Variants in NFASC observed in about 807,000 individuals in gnomAD.
The protein encoded by NFASC is neurofascin homolog.
NFASC carries 43 observed loss-of-function variants against 147.5 expected under a neutral mutation model. That is an observed-to-expected ratio of 0.29 (90% CI 0.23 to 0.38). The LOEUF (loss-of-function observed/expected upper bound fraction) is 0.38. Among genes scored for constraint, NFASC ranks in the 10% least tolerant of loss-of-function variants. NFASC has a pLI of 1.00. For missense variants in NFASC, 1,320 were observed against 1,689.0 expected (o/e 0.78, Z 3.83); for synonymous variants, 622 against 665.5 (o/e 0.93, Z 1.01).
rs1482704907 is a variant in NFASC, at chr1:204,997,306, C to A, written c.2919C>A (p.Thr973=). The A allele has an allele frequency of 6.3e-7, 1 of 1,597,018 alleles. No homozygotes were observed. The highest frequency in any genetic ancestry group is 2.3e-5 in the East Asian group (1 of 43,594). ...CTGTCGCACCTACCACCATCGCCAC[C>A]ACCACCACCGTCGCCACAACTACTA... ...IPTVAPTTIA[T]TTTVATTTTT... is the part of the protein sequence containing the mutation. The change falls in exon 25 of 30, where the codon ACC becomes ACA. Residue 973 remains threonine (T), a synonymous_variant. Transcript: ENST00000339876.
chr1:204,863,743 G>T lies in NFASC; in HGVS notation c.-200+34961G>T, dbSNP rs571381718. 2.0e-5 allele frequency among the ~76,000 whole-genome samples: 3 copies of T among 151,770 alleles called. No homozygotes were observed. In the East Asian group the frequency reaches 5.8e-4, roughly 29 times the overall value. On this transcript the variant is annotated intron_variant, in intron 1 of 29. Transcript: ENST00000339876. ...GGGTGCCTGTAGTCCCACTACTCGG[G>T]AGCCTGAGCCAGAAGAATTGCTTGA...
At chr1:204,840,185 C>A (rs1674902022) in intron 1 of NFASC, among the ~76,000 whole-genome samples, 1 of 152,132 alleles carries the variant, frequency 6.6e-6, no homozygotes, top group Admixed American at 6.5e-5. Context: ...CCAGGTAATG[C>A]CAGTACTGCC....
At chr1:204,956,741 A>T (rs988646643) in intron 7 of NFASC, among the ~76,000 whole-genome samples, 1 of 152,230 alleles carries the variant, frequency 6.6e-6, no homozygotes, top group Non-Finnish European at 1.5e-5. Flanking sequence ...CCAGCCCATT[A>T]TGGGGAAGTT....
At position 205,015,190 on chromosome 1, in the gene NFASC, C is replaced by T. The variant is rs1375811408; in HGVS notation, c.3492-1118C>T. Among the ~76,000 whole-genome samples the T allele has an allele frequency of 6.6e-6, 1 of 152,194 alleles. No homozygotes were observed. Among genetic ancestry groups the T allele is most frequent in the Non-Finnish European group, 1.5e-5 (1 of 68,028 alleles). ...ACTCAGCTGGTTGTCTTCCCCACGT[C>T]CAGGAAGGACTGGGGGTGGGTGGGG... On this transcript the variant is annotated intron_variant, in intron 29 of 29. Transcript: ENST00000339876. The surrounding 1 kb of genome is among the most constrained non-coding windows in gnomAD (Gnocchi z 4.0).
At chr1:204,855,496 T>C (rs2076075486) in intron 1 of NFASC, among the ~76,000 whole-genome samples, 1 of 152,006 alleles carries the variant, frequency 6.6e-6, no homozygotes, top group Non-Finnish European at 1.5e-5. Context: ...GTGGTGGGAA[T>C]GGGGTGGGTG....
chr1:204,948,581 A>G, intron 3 of NFASC: 1 of 425,042 alleles, frequency 2.4e-6, no homozygotes, highest in Non-Finnish European at 4.7e-6. Context: ...GGATTTGTTA[A>G]AAACAAAACA....
At chr1:204,984,107 T>A in intron 21 of NFASC, 1 of 1,613,856 alleles carries the variant, frequency 6.2e-7, no homozygotes, top group Non-Finnish European at 8.5e-7. Flanking sequence ...CCGCGTCTAC[T>A]CCGACACGGT....
chr1:205,022,702 A>T lies in NFASC; in HGVS notation c.*6163A>T, dbSNP rs565324871. ...GGCCGTCTAATACATGGACTTATAA[A>T]CTGACTGCATGAGCAATGAAAAGGC... On this transcript the variant is annotated 3_prime_UTR_variant, in exon 30 of 30. Coordinates refer to ENST00000339876, the MANE Select transcript of NFASC (RefSeq NM_001005388.3). The T allele has an allele frequency of 6.5e-6, 1 of 152,710 alleles. No homozygotes were observed. The highest frequency in any genetic ancestry group is 1.9e-4 in the East Asian group (1 of 5,192). The allele number at this position is 152,710 out of a possible 1,614,324, so 9.5% of individuals were successfully genotyped here. A position where few individuals can be genotyped will look rare whatever the true frequency, so the allele number is the denominator to read the frequency against.
In NFASC at chr1:204,954,733, C is replaced by T. The variant is rs1183080540; in HGVS notation, c.413-96C>T. The T allele has an allele frequency of 4.2e-6, 6 of 1,430,030 alleles. No individual in the cohort carries two copies. The African/African-American group carries it at 4.2e-5, about 10-fold the overall frequency. The allele number at this position is 1,430,030 out of a possible 1,614,324, so 88.6% of individuals were successfully genotyped here. A position where few individuals can be genotyped will look rare whatever the true frequency, so the allele number is the denominator to read the frequency against. On this transcript the variant is annotated intron_variant, in intron 6 of 29. Coordinates refer to ENST00000339876, the MANE Select transcript of NFASC (RefSeq NM_001005388.3). This position sits in a 1 kb window ranked among gnomAD's most constrained non-coding sequence, Gnocchi z 5.7. ...CTCCCTCCTTCTCCAGGTGCCCCTT[C>T]TGTTTCTCCTCCTTGCATGCCTGCC... is the stretch of plus-strand genomic sequence containing the variant.
At chr1:204,898,889 G>A (rs977899856) in intron 1 of NFASC, among the ~76,000 whole-genome samples, 1 of 152,230 alleles carries the variant, frequency 6.6e-6, no homozygotes, top group East Asian at 1.9e-4. Flanking sequence ...GAGGTTAAAT[G>A]AGGAGATAGG....
At chr1:204,850,304 C>A (rs533466816) in intron 1 of NFASC, among the ~76,000 whole-genome samples, 1 of 152,120 alleles carries the variant, frequency 6.6e-6, no homozygotes, top group Admixed American at 6.6e-5. Flanking sequence ...TTATTTAGTA[C>A]CTTGTCCCAT....
Position 204,979,003 on chromosome 1 carries a change from G to C in NFASC, c.1912G>C (p.Asp638His). 6.4e-7 allele frequency: 1 copy of C among 1,563,074 alleles called. No homozygotes were observed. Among genetic ancestry groups the C allele is most frequent in the East Asian group, 2.4e-5 (1 of 41,906 alleles). ...PDRPRDLELT[D>H]LAERSVRLTW... Reference sequence around the variant, plus strand: ...CCGGCCCCGGGACCTGGAGCTGACCGACCTGGCCGAGAGGAGCGTGCGGCT... The same window carrying C: ...CCGGCCCCGGGACCTGGAGCTGACCCACCTGGCCGAGAGGAGCGTGCGGCT... Residue 638 changes from aspartate to histidine, a missense_variant, in exon 18 of 30, where the codon GAC becomes CAC. Transcript: ENST00000339876. The surrounding 1 kb of genome is among the most constrained non-coding windows in gnomAD (Gnocchi z 6.0).
In NFASC at chr1:204,976,457, G is replaced by A. The variant is rs546863919; in HGVS notation, c.1707-214G>A. Among the ~76,000 whole-genome samples, 316 of 152,284 alleles carry A rather than the reference G, an allele frequency of 2.1e-3. 2 individuals carry two copies. In the Middle Eastern group the frequency reaches 0.034, roughly 16 times the overall value. Reference sequence around the variant, plus strand: ...CGTGCTTCACAGCCACTTGAGCTCCGCCCACTCTCTGTTCCCCTCCATCAA... The same window carrying A: ...CGTGCTTCACAGCCACTTGAGCTCCACCCACTCTCTGTTCCCCTCCATCAA... On this transcript the variant is annotated intron_variant, in intron 15 of 29. Coordinates refer to ENST00000339876, the MANE Select transcript of NFASC (RefSeq NM_001005388.3).
At chr1:204,867,054 A>T (rs1367158441) in intron 1 of NFASC, among the ~76,000 whole-genome samples, 1 of 152,208 alleles carries the variant, frequency 6.6e-6, no homozygotes, top group African/African-American at 2.4e-5. Context: ...AGCAGTGTAG[A>T]TGTTACTATC....
intron 1 of NFASC, among the ~76,000 whole-genome samples, chr1:204,872,785 A>G (rs2077969408): frequency 6.6e-6 from 1 of 152,218 alleles, no homozygotes; most frequent in African/African-American, 2.4e-5. Context: ...CAACACCATC[A>G]ACAACTATAA....
intron 1 of NFASC, among the ~76,000 whole-genome samples, chr1:204,897,578 CTTT>C (rs764139649): frequency 2.1e-5 from 3 of 143,566 alleles, no homozygotes; most frequent in Admixed American, 7.0e-5. Context: ...TTTCTTTTTC[CTTT>C]TTTTTTTTTT....
chr1:204,863,938 GAGAGAGAA>G (rs1185710371), intron 1 of NFASC, among the ~76,000 whole-genome samples: 7 of 121,630 alleles, frequency 5.8e-5, no homozygotes, highest in Admixed American at 2.0e-4. Flanking sequence ...GGAAGAAAGA[GAGAGAGAA>G]AGAGAGAAAG....
intron 1 of NFASC, among the ~76,000 whole-genome samples, chr1:204,829,373 T>C (rs1349344249): frequency 6.6e-6 from 1 of 151,612 alleles, no homozygotes; most frequent in African/African-American, 2.4e-5. Flanking sequence ...GAACCCCGCC[T>C]TCTCCCCCCT....
At chr1:204,833,189 A>G (rs1672731289) in intron 1 of NFASC, among the ~76,000 whole-genome samples, 1 of 152,238 alleles carries the variant, frequency 6.6e-6, no homozygotes, top group African/African-American at 2.4e-5. Flanking sequence ...TAATAACAAT[A>G]GTCACCATTA....
Sources: allele counts gnomAD v4.1 joint callset (sites outside exome capture counted in the v4.1 genomes callset), GRCh38; gene constraint gnomAD v4.1.1; non-coding constraint Gnocchi (gnomAD v3.1); transcripts MANE v1.5; gene names NCBI Gene and HGNC (gene_info 2026-07-23, HGNC 2026-07-21).